The following CEACAM19 variants were observed in gnomAD, a reference collection of about 807,000 sequenced individuals.
The protein encoded by CEACAM19 is CEA cell adhesion molecule 19, also known as cell adhesion molecule CEACAM19.
Under a neutral mutation model 37.6 loss-of-function variants are expected in CEACAM19, and 37 were observed. That is an observed-to-expected ratio of 0.98 (90% CI 0.76 to 1.29). The LOEUF is 1.29. Ranked by LOEUF, CEACAM19 falls within the 50% of genes most tolerant of loss-of-function variation. CEACAM19 has a pLI of 0.00. For missense variants in CEACAM19, 340 were observed against 375.6 expected (o/e 0.91, Z 0.78); for synonymous variants, 140 against 149.8 (o/e 0.93, Z 0.48).
At chr19:44,673,713 T>C (rs954317143) in intron 2 of CEACAM19, 1 of 152,050 alleles carries the variant, frequency 6.6e-6, no homozygotes, top group African/African-American at 2.4e-5. Context: ...ATTTTACAGA[T>C]TGAAAAATGG....
In CEACAM19 at chr19:44,676,429, G is replaced by C; in HGVS notation, c.575+8G>C. On this transcript the variant is annotated splice_region_variant and intron_variant, in intron 3 of 7. Coordinates refer to ENST00000358777, the MANE Select transcript of CEACAM19 (RefSeq NM_001127893.3). ...GAGGGGCCAGAGCCACAGGTACAGG[G>C]TCCCCAAGTGTCCCTCTCCTGTCTG... 6.2e-7 allele frequency: 1 copy of C among 1,613,688 alleles called. No homozygotes were observed. The highest frequency in any genetic ancestry group is 1.1e-5 in the South Asian group (1 of 91,052).
intron 7 of CEACAM19, chr19:44,683,188 C>T: frequency 2.4e-6 from 1 of 416,874 alleles, no homozygotes; most frequent in Non-Finnish European, 4.3e-6. Context: ...TTCTCTGCAT[C>T]TCTGTCTCTC....
At chr19:44,679,680 C>T (rs988505631) in intron 4 of CEACAM19, among the ~76,000 whole-genome samples, 4 of 152,052 alleles carry the variant, frequency 2.6e-5, no homozygotes, top group South Asian at 4.2e-4. Flanking sequence ...ACCCGGGAGG[C>T]GGAGCTTTTA....
chr19:44,682,417 T>A (rs1599794044), intron 6 of CEACAM19, 150 bp from the exon 7 acceptor site: 3 of 726,802 alleles, frequency 4.1e-6, no homozygotes, highest in African/African-American at 3.6e-5. Flanking sequence ...AACACTGAGG[T>A]GTAAGGAAGC....
upstream of CEACAM19, chr19:44,671,460 C>T: frequency 2.5e-6 from 1 of 393,112 alleles, no homozygotes; most frequent in Non-Finnish European, 4.5e-6. Flanking sequence ...AGGTGAAATC[C>T]CACCTCTGTC....
At position 44,671,722 on chromosome 19, in the gene CEACAM19, CCT is replaced by C. The variant is rs148051692; in HGVS notation, c.-207_-206del. 73 of 520,688 alleles carry C rather than the reference CCT, an allele frequency of 1.4e-4. No individual in the cohort carries two copies. Among genetic ancestry groups the C allele is most frequent in the Non-Finnish European group, 2.2e-4 (65 of 290,634 alleles). 32.3% of individuals were successfully genotyped at this position (520,688 alleles called of 1,614,324 possible). A position where few individuals can be genotyped will look rare whatever the true frequency, so the allele number is the denominator to read the frequency against. ...CAGTCACCCTGAAAAACTGGTTCAA[CCT>C]CTGTCTGTGCTCCCATCCCAGGGAG... On this transcript the variant is annotated 5_prime_UTR_variant, in exon 1 of 8. The change creates a premature stop within an existing upstream ORF in the 5' untranslated region. Transcript: ENST00000358777.
At chr19:44,668,573 GTATATAAT>G (rs1973796052), upstream of CEACAM19, among the ~76,000 whole-genome samples, 4 of 56,764 alleles carry the variant, frequency 7.0e-5, no homozygotes, top group African/African-American at 2.4e-4. Context: ...TATTATATAT[GTATATAAT>G]TATATAATTA....
In CEACAM19 at chr19:44,676,275, G is replaced by A; in HGVS notation, c.429G>A (p.Lys143=). The change falls in exon 3 of 8, where the codon AAG becomes AAA. Residue 143 remains lysine (K), a synonymous_variant. Coordinates refer to ENST00000358777, the MANE Select transcript of CEACAM19 (RefSeq NM_001127893.3). ...TTTCTTTCTCTCACCCCTCAGAAAA[G>A]AATAAGGAGCTGCCCAGTACACACC... ...KAKTEVQVAE[K]NKELPSTHLP... The A allele has an allele frequency of 6.2e-7, 1 of 1,613,928 alleles. No individual in the cohort carries two copies. The highest frequency in any genetic ancestry group is 8.5e-7 in the Non-Finnish European group (1 of 1,179,934).
chr19:44,681,845 G>A (rs531415552), intron 6 of CEACAM19, among the ~76,000 whole-genome samples: 34 of 151,724 alleles, frequency 2.2e-4, no homozygotes, highest in African/African-American at 7.7e-4. Context: ...AAGGAGAATC[G>A]CTTGAACCCA....
At chr19:44,670,911 C>A (rs1015480416), upstream of CEACAM19, among the ~76,000 whole-genome samples, 1 of 150,418 alleles carries the variant, frequency 6.6e-6, no homozygotes, top group Non-Finnish European at 1.5e-5. Context: ...GCCTGACCAA[C>A]ATGGAGAAAC....
intron 7 of CEACAM19, 97 bp downstream of exon 7, chr19:44,682,717 G>A: frequency 8.6e-7 from 1 of 1,164,362 alleles, no homozygotes; most frequent in Non-Finnish European, 1.2e-6. Flanking sequence ...GAAACTGGGG[G>A]CTTTCCTCCC....
Position 44,672,687 on chromosome 19 carries a change from TCTC to T in CEACAM19, c.150_152del (p.Leu51del), listed in dbSNP as rs1407205986. 1.3e-6 allele frequency: 2 copies of T among 1,562,492 alleles called. No homozygotes were observed. Among genetic ancestry groups the T allele is most frequent in the Non-Finnish European group, 8.7e-7 (1 of 1,153,356 alleles). On this transcript the variant is annotated inframe_deletion, in exon 2 of 8. Transcript: ENST00000358777. ...AGCAGCCTCAAAAGAACCAGGACCT[TCTC>T]CTGTCAGTCCAGGGTGTCCCAGACA...
chr19:44,681,358 C>T (rs202202875), intron 6 of CEACAM19, 46 bp downstream of exon 6: 26 of 1,329,366 alleles, frequency 2.0e-5, no homozygotes, highest in Non-Finnish European at 2.6e-5. Context: ...TGCTAACAGG[C>T]GCCTCCTCTC....
intron 5 of CEACAM19, among the ~76,000 whole-genome samples, 195 bp from the exon 6 acceptor site, chr19:44,681,032 C>A (rs1186324061): frequency 6.6e-6 from 1 of 152,166 alleles, no homozygotes; most frequent in Non-Finnish European, 1.5e-5. Context: ...CTGCGTCCCC[C>A]ACTGGACTGT....
chr19:44,681,165 G>A, intron 5 of CEACAM19, 62 bp from the exon 6 acceptor site: 2 of 1,052,482 alleles, frequency 1.9e-6, no homozygotes, highest in East Asian at 2.4e-5. Context: ...ATGTCAACAG[G>A]CAGTCAGAGT....
At chr19:44,683,147 G>T in intron 7 of CEACAM19, 1 of 351,630 alleles carries the variant, frequency 2.8e-6, no homozygotes, top group Non-Finnish European at 5.1e-6. Flanking sequence ...ATGCTGCCTT[G>T]TCTAAGATGC....
chr19:44,683,395 C>T, intron 7 of CEACAM19, 42 bp from the exon 8 acceptor site: 4 of 909,132 alleles, frequency 4.4e-6, no homozygotes, highest in Non-Finnish European at 6.9e-6. Context: ...GACTCTCCCC[C>T]TCCACCCAGT....
rs10406189 is a variant in CEACAM19 at position 44,674,840 on chromosome 19, T to C, written c.425-1431T>C. Among the ~76,000 whole-genome samples, 1,303 of 152,324 alleles carry C rather than the reference T, an allele frequency of 8.6e-3. 22 individuals are homozygous for C. The highest frequency in any genetic ancestry group is 0.029 in the African/African-American group (1,188 of 41,568). On this transcript the variant is annotated intron_variant, in intron 2 of 7. Coordinates refer to ENST00000358777, the MANE Select transcript of CEACAM19 (RefSeq NM_001127893.3). ...TGCATAAAATGACACTCTAGTCCGG[T>C]TGGAGATAACAGTCCTTACTTCACT... is the stretch of plus-strand genomic sequence containing the variant.
chr19:44,683,528 C>T lies in CEACAM19; in HGVS notation c.*38C>T. ...CAGGCCAGCCAGGGAGAAGACAAGGCCCCAGCCCTCCTCTGGGAGCCTCAC... is the reference window on the plus strand; with the variant it reads ...CAGGCCAGCCAGGGAGAAGACAAGGTCCCAGCCCTCCTCTGGGAGCCTCAC... On this transcript the variant is annotated 3_prime_UTR_variant, in exon 8 of 8. Coordinates refer to ENST00000358777, the MANE Select transcript of CEACAM19 (RefSeq NM_001127893.3). 1.5e-6 allele frequency: 2 copies of T among 1,353,782 alleles called. No individual in the cohort carries two copies. Among genetic ancestry groups the T allele is most frequent in the South Asian group, 1.4e-5 (1 of 69,940 alleles). The allele number at this position is 1,353,782 out of a possible 1,614,324, so 83.9% of individuals were successfully genotyped here.
Sources: gnomAD v4.1 joint callset for allele counts (sites outside exome capture counted in the v4.1 genomes callset) on GRCh38, gnomAD v4.1.1 for gene constraint, MANE v1.5 for transcripts, NCBI Gene and HGNC (gene_info 2026-07-23, HGNC 2026-07-21) for gene names.